TECRL: variants seen among roughly 807,000 people sequenced by gnomAD.
The protein encoded by TECRL is trans-2,3-enoyl-CoA reductase like, also known as trans-2,3-enoyl-CoA reductase-like.
A neutral mutation model predicts 52.8 loss-of-function variants in TECRL; 63 were observed. The ratio of observed to expected loss-of-function variants is 1.19; its 90% confidence interval spans 0.97 to 1.47. The LOEUF (loss-of-function observed/expected upper bound fraction) is 1.47, where lower values mean the gene tolerates loss of function less well. TECRL is among the 40% of genes most tolerant of loss of function. The probability of loss-of-function intolerance (pLI) is 0.00; values close to 1 mark genes in which losing one functional copy is unlikely to be tolerated. For synonymous variants in TECRL, 164 were observed against 141.9 expected (o/e 1.16, Z -1.10); for missense variants, 482 against 429.6 (o/e 1.12, Z -1.08).
chr4:64,379,433 A>G (rs538930452), intron 1 of TECRL, among the ~76,000 whole-genome samples: 2 of 152,306 alleles, frequency 1.3e-5, no homozygotes, highest in South Asian at 4.1e-4. Flanking sequence ...TCAAAACAGT[A>G]TTTAGAATAT....
At chr4:64,293,477 G>A (rs1723506334) in intron 8 of TECRL, among the ~76,000 whole-genome samples, 2 of 151,990 alleles carry the variant, frequency 1.3e-5, no homozygotes, top group Non-Finnish European at 2.9e-5. Context: ...CTCTCAGGTT[G>A]AAAGACACAA....
intron 9 of TECRL, among the ~76,000 whole-genome samples, chr4:64,286,150 C>A (rs1168885533): frequency 6.6e-6 from 1 of 151,408 alleles, no homozygotes; most frequent in East Asian, 1.9e-4. Flanking sequence ...GAAAACAAAA[C>A]AAAATTTACA....
At chr4:64,404,332 A>G (rs1376539920) in intron 1 of TECRL, among the ~76,000 whole-genome samples, 2 of 152,046 alleles carry the variant, frequency 1.3e-5, no homozygotes, top group Admixed American at 6.6e-5. Flanking sequence ...CCATTTATCA[A>G]CTCAGGCTCT....
At chr4:64,326,125 C>T (rs1718246481) in intron 3 of TECRL, among the ~76,000 whole-genome samples, 1 of 152,060 alleles carries the variant, frequency 6.6e-6, no homozygotes, top group South Asian at 2.1e-4. Context: ...AAGTATGGGC[C>T]TGGAACTGGG....
At chr4:64,350,196 C>T (rs11724624) in intron 2 of TECRL, among the ~76,000 whole-genome samples, 102,214 of 151,998 alleles carry the variant, frequency 0.67, 35,499 homozygotes, top group Non-Finnish European at 0.76. Context: ...TTCAATTTAT[C>T]CTGTGAAAAC....
At chr4:64,364,188 A>C (rs1721424278) in intron 2 of TECRL, among the ~76,000 whole-genome samples, 1 of 152,060 alleles carries the variant, frequency 6.6e-6, no homozygotes. Context: ...TTAGGGCAGA[A>C]ATTTAAAAAA....
chr4:64,346,110 A>G (rs1368157876), intron 2 of TECRL, among the ~76,000 whole-genome samples: 1 of 152,056 alleles, frequency 6.6e-6, no homozygotes, highest in Non-Finnish European at 1.5e-5. Context: ...AATTCTAGTA[A>G]ATATAATTTT....
At chr4:64,338,193 A>G (rs1475514082) in intron 2 of TECRL, among the ~76,000 whole-genome samples, 1 of 152,204 alleles carries the variant, frequency 6.6e-6, no homozygotes, top group Non-Finnish European at 1.5e-5. Context: ...AGGATTCCCT[A>G]TTTAACAAAT....
In TECRL at chr4:64,333,782, A is replaced by C. The variant is rs1395541360; in HGVS notation, c.287-5226T>G. Among the ~76,000 whole-genome samples the C allele has an allele frequency of 8.7e-5, 11 of 126,954 alleles. 1 individual carries two copies. Among genetic ancestry groups the C allele is most frequent in the Non-Finnish European group, 1.8e-4 (11 of 60,820 alleles). The allele number at this position is 126,954 out of a possible 152,430, so 83.3% of individuals were successfully genotyped here. ...ACGCCTGTAATCCCAGCACTTTGGG[A>C]GGCCGAGGCGGGTGGATCATGAGGT... On this transcript the variant is annotated intron_variant, in intron 2 of 11. Transcript: ENST00000381210.
intron 7 of TECRL, among the ~76,000 whole-genome samples, chr4:64,302,326 A>T (rs1724070719): frequency 6.6e-6 from 1 of 151,456 alleles, no homozygotes; most frequent in Non-Finnish European, 1.5e-5. Context: ...AATTGTGATA[A>T]AAGTCAAACA....
chr4:64,329,159 T>C (rs1347225619), intron 2 of TECRL, among the ~76,000 whole-genome samples: 1 of 151,644 alleles, frequency 6.6e-6, no homozygotes, highest in African/African-American at 2.4e-5. Context: ...ATCTTTATTA[T>C]ACACTGCCAT....
At chr4:64,334,575 A>C (rs1718909579) in intron 2 of TECRL, among the ~76,000 whole-genome samples, 1 of 152,238 alleles carries the variant, frequency 6.6e-6, no homozygotes, top group Admixed American at 6.5e-5. Context: ...GCTGACCTTG[A>C]AAAACAATGC....
intron 2 of TECRL, among the ~76,000 whole-genome samples, chr4:64,371,965 GAC>G (rs761951368): frequency 5.9e-5 from 9 of 151,732 alleles, no homozygotes; most frequent in Non-Finnish European, 8.9e-5. Flanking sequence ...AAATAATAGA[GAC>G]ACACAGTAGT....
At chr4:64,371,896 G>GT (rs1721999133) in intron 2 of TECRL, among the ~76,000 whole-genome samples, 1 of 151,790 alleles carries the variant, frequency 6.6e-6, no homozygotes, top group Non-Finnish European at 1.5e-5. Flanking sequence ...CAAGAGAAAA[G>GT]TGGGTTACTT....
chr4:64,374,052 C>CATATAT (rs77300773), intron 2 of TECRL, among the ~76,000 whole-genome samples: 457 of 105,940 alleles, frequency 4.3e-3, no homozygotes, highest in African/African-American at 8.8e-3. Context: ...ATAGTAGATA[C>CATATAT]ATATATATAT....
At chr4:64,287,916 G>T (rs1723162079) in intron 9 of TECRL, among the ~76,000 whole-genome samples, 2 of 152,098 alleles carry the variant, frequency 1.3e-5, no homozygotes, top group Non-Finnish European at 2.9e-5. Flanking sequence ...GGAGGCCGAG[G>T]CAGGCAGATC....
chr4:64,297,083 AC>A (rs1296167152), intron 8 of TECRL, among the ~76,000 whole-genome samples: 1 of 151,512 alleles, frequency 6.6e-6, no homozygotes, highest in Admixed American at 6.6e-5. Context: ...CCAAATAGGA[AC>A]CTGATTTTAC....
At chr4:64,301,611 A>G (rs1724026056) in intron 7 of TECRL, among the ~76,000 whole-genome samples, 1 of 151,268 alleles carries the variant, frequency 6.6e-6, no homozygotes, top group South Asian at 2.1e-4. Context: ...GTGCTACTAT[A>G]CAGATCTATG....
chr4:64,307,860 G>A (rs2109993198), intron 6 of TECRL, among the ~76,000 whole-genome samples: 1 of 152,270 alleles, frequency 6.6e-6, no homozygotes, highest in East Asian at 1.9e-4. Flanking sequence ...CCAGAGACAA[G>A]GGAAGGCCTT....
Sources: allele counts gnomAD v4.1 joint callset (sites outside exome capture counted in the v4.1 genomes callset), GRCh38; gene constraint gnomAD v4.1.1; transcripts MANE v1.5; gene names NCBI Gene and HGNC (gene_info 2026-07-23, HGNC 2026-07-21).